The following PLCL2 variants were observed in gnomAD, a reference collection of about 807,000 sequenced individuals.
PLCL2 encodes the protein inactive phospholipase C-like protein 2.
PLCL2 carries 4 observed loss-of-function variants against 79.6 expected under a neutral mutation model. The ratio of observed to expected loss-of-function variants is 0.05; its 90% CI spans 0.02 to 0.11. The LOEUF is 0.11. Ranked by LOEUF, PLCL2 falls within the 10% of genes least tolerant of loss-of-function variation. The probability of loss-of-function intolerance (pLI) is 1.00; values close to 1 mark genes in which losing one functional copy is unlikely to be tolerated. For missense variants in PLCL2, 895 were observed against 1,291.0 expected (o/e 0.69, Z 4.70); for synonymous variants, 484 against 457.7 (o/e 1.06, Z -0.73).
chr3:16,978,518 A>C (rs1286102265), intron 1 of PLCL2, among the ~76,000 whole-genome samples: 1 of 152,252 alleles, frequency 6.6e-6, no homozygotes, highest in African/African-American at 2.4e-5. Context: ...AATGGGAAGT[A>C]GCAAAGGGGT....
At chr3:16,959,960 CT>C (rs1189365542) in intron 1 of PLCL2, among the ~76,000 whole-genome samples, 1 of 152,112 alleles carries the variant, frequency 6.6e-6, no homozygotes, top group Non-Finnish European at 1.5e-5. Flanking sequence ...AAAAGATTAG[CT>C]GGGCGTGGTG....
At chr3:17,055,622 C>G (rs1186028482) in intron 4 of PLCL2, among the ~76,000 whole-genome samples, 1 of 152,216 alleles carries the variant, frequency 6.6e-6, no homozygotes, top group East Asian at 1.9e-4. Context: ...TACGTGTGAT[C>G]AGAATCCCCT....
intron 1 of PLCL2, among the ~76,000 whole-genome samples, chr3:16,998,471 C>T (rs1482868431): frequency 6.6e-6 from 1 of 152,196 alleles, no homozygotes; most frequent in Non-Finnish European, 1.5e-5. Context: ...TTGAGAAACA[C>T]AGTTTTCACA....
At chr3:16,970,210 C>A (rs192620917) in intron 1 of PLCL2, among the ~76,000 whole-genome samples, 1,999 of 151,854 alleles carry the variant, frequency 0.013, 52 homozygotes, top group African/African-American at 0.046. Flanking sequence ...ATCTCTCCCC[C>A]CTCCCCCCAG....
intron 1 of PLCL2, among the ~76,000 whole-genome samples, chr3:16,938,001 A>G (rs1485867845): frequency 6.6e-6 from 1 of 152,228 alleles, no homozygotes; most frequent in Non-Finnish European, 1.5e-5. Flanking sequence ...TTGATGTTCC[A>G]TATTAAAATA....
At chr3:16,953,125 A>G (rs1473954784) in intron 1 of PLCL2, among the ~76,000 whole-genome samples, 3 of 152,184 alleles carry the variant, frequency 2.0e-5, no homozygotes, top group South Asian at 4.1e-4. Context: ...GGGTAATGAC[A>G]TGAAAAACTG....
At chr3:16,985,635 C>CA (rs2064042336) in intron 1 of PLCL2, among the ~76,000 whole-genome samples, 1 of 152,150 alleles carries the variant, frequency 6.6e-6, no homozygotes. Context: ...ATGAGGAGGA[C>CA]ATAGTGTTAT....
At chr3:16,959,898 G>A (rs2063739693) in intron 1 of PLCL2, among the ~76,000 whole-genome samples, 1 of 152,146 alleles carries the variant, frequency 6.6e-6, no homozygotes, top group African/African-American at 2.4e-5. Context: ...GAGGTCAGGG[G>A]ATCAAGACCA....
At chr3:17,034,911 C>CCTT (rs10671036) in intron 3 of PLCL2, among the ~76,000 whole-genome samples, 89,810 of 151,572 alleles carry the variant, frequency 0.59, 27,021 homozygotes, top group African/African-American at 0.7. Context: ...GACTCACTCT[C>CCTT]CCAGCACCTC....
intron 1 of PLCL2, among the ~76,000 whole-genome samples, chr3:17,004,662 G>A (rs6442661): frequency 0.023 from 3,517 of 152,110 alleles, 128 homozygotes; most frequent in African/African-American, 0.079. Context: ...ACTTTGCAGG[G>A]TAGCCCTTAT....
chr3:17,080,435 A>C (rs1259177316), intron 5 of PLCL2, among the ~76,000 whole-genome samples: 1 of 151,838 alleles, frequency 6.6e-6, no homozygotes, highest in Non-Finnish European at 1.5e-5. Flanking sequence ...CGTAGCCAAG[A>C]CTCCTACAAT....
At chr3:17,058,197 A>G (rs2064910544) in intron 4 of PLCL2, among the ~76,000 whole-genome samples, 1 of 152,232 alleles carries the variant, frequency 6.6e-6, no homozygotes, top group Middle Eastern at 3.2e-3. Flanking sequence ...AGAAGAGTGT[A>G]TGCAGGGCAA....
At chr3:17,039,821 C>G (rs1041537447) in intron 3 of PLCL2, among the ~76,000 whole-genome samples, 1 of 152,118 alleles carries the variant, frequency 6.6e-6, no homozygotes, top group East Asian at 1.9e-4. Flanking sequence ...AAGTATTAGT[C>G]ATCTTCATAT....
rs138017767 is a variant in PLCL2 at position 17,048,210 on chromosome 3, A to G, written c.3094+5261A>G. On this transcript the variant is annotated intron_variant, in intron 4 of 5. Coordinates refer to ENST00000615277, the MANE Select transcript of PLCL2 (RefSeq NM_001144382.2). ...TCATCTTGCCCAACATAGTAAAGAA[A>G]ATCATCTGCGAGATTCATTCTGAAA... 9.8e-5 allele frequency among the ~76,000 whole-genome samples: 15 copies of G among 152,296 alleles called. No individual in the cohort carries two copies. In the East Asian group the frequency reaches 2.9e-3, roughly 29 times the overall value.
chr3:16,970,011 G>A (rs2063842504), intron 1 of PLCL2, among the ~76,000 whole-genome samples: 1 of 148,380 alleles, frequency 6.7e-6, no homozygotes, highest in Admixed American at 6.7e-5. Context: ...TAATTGTATA[G>A]CTTTGAATGA....
rs189566257 is a variant in PLCL2, at chr3:17,033,866, T to C, written c.3019-9008T>C. 2.1e-3 allele frequency among the ~76,000 whole-genome samples: 316 copies of C among 152,282 alleles called. 1 individual carries two copies. Among genetic ancestry groups the C allele is most frequent in the African/African-American group, 5.8e-3 (240 of 41,562 alleles). On this transcript the variant is annotated intron_variant, in intron 3 of 5. Coordinates refer to ENST00000615277, the MANE Select transcript of PLCL2 (RefSeq NM_001144382.2). ...TGCAGAACTGTGATATTGTTTTTAT[T>C]TGATGTCTTTTTTTATGTGTCACTG...
At chr3:17,042,506 A>C (rs1323987397) in intron 3 of PLCL2, among the ~76,000 whole-genome samples, 1 of 152,200 alleles carries the variant, frequency 6.6e-6, no homozygotes, top group Non-Finnish European at 1.5e-5. Flanking sequence ...CTATAAGATG[A>C]AGTTGAAAAT....
chr3:16,938,097 A>G (rs1697587576), intron 1 of PLCL2, among the ~76,000 whole-genome samples: 1 of 152,194 alleles, frequency 6.6e-6, no homozygotes, highest in Non-Finnish European at 1.5e-5. Context: ...ATTTTTACTA[A>G]TTACTGAACT....
Position 16,886,273 on chromosome 3 carries a change from T to C in PLCL2, c.327+907T>C, listed in dbSNP as rs1382231839. Among the ~76,000 whole-genome samples, 1 of 152,212 alleles carries C rather than the reference T, an allele frequency of 6.6e-6. No homozygotes were observed. Among genetic ancestry groups the C allele is most frequent in the Non-Finnish European group, 1.5e-5 (1 of 68,032 alleles). Reference sequence around the variant, plus strand: ...CTTAGGCAAGACCAGCTCATTCGGCTCGCTCAAGTTTGGAGCAAATGAAAA... The same window carrying C: ...CTTAGGCAAGACCAGCTCATTCGGCCCGCTCAAGTTTGGAGCAAATGAAAA... On this transcript the variant is annotated intron_variant, in intron 1 of 5. Transcript: ENST00000615277. This position sits in a 1 kb window ranked among gnomAD's most constrained non-coding sequence, Gnocchi z 4.2.
Sources: gnomAD v4.1 joint callset for allele counts (sites outside exome capture counted in the v4.1 genomes callset) on GRCh38, gnomAD v4.1.1 for gene constraint, Gnocchi (gnomAD v3.1) non-coding constraint, MANE v1.5 for transcripts, NCBI Gene and HGNC (gene_info 2026-07-23, HGNC 2026-07-21) for gene names.